ELMO1: variants seen among roughly 807,000 people sequenced by gnomAD.
ELMO1 encodes the protein engulfment and cell motility protein 1.
A neutral mutation model predicts 98.9 loss-of-function variants in ELMO1; 26 were observed. The ratio of observed to expected loss-of-function variants is 0.26; its 90% CI spans 0.19 to 0.36. ELMO1 has a LOEUF of 0.36. ELMO1 is among the 10% of genes least tolerant of loss of function. The pLI is 1.00. For synonymous variants in ELMO1, 346 were observed against 346.0 expected (o/e 1.00, Z 0.00); for missense variants, 627 against 935.2 (o/e 0.67, Z 4.30).
At chr7:37,416,968 A>G (rs1259708555) in intron 1 of ELMO1, among the ~76,000 whole-genome samples, 1 of 152,240 alleles carries the variant, frequency 6.6e-6, no homozygotes, top group Non-Finnish European at 1.5e-5. Context: ...AACCTAGCTT[A>G]TGAAATCAAA....
chr7:37,175,014 A>G (rs562573882), intron 13 of ELMO1, among the ~76,000 whole-genome samples: 2 of 152,314 alleles, frequency 1.3e-5, no homozygotes, highest in South Asian at 4.1e-4. Flanking sequence ...TAAAAAATCA[A>G]TGGCGAAGTG....
At chr7:37,029,300 T>G (rs529063755) in intron 15 of ELMO1, among the ~76,000 whole-genome samples, 1 of 152,226 alleles carries the variant, frequency 6.6e-6, no homozygotes, top group South Asian at 2.1e-4. Flanking sequence ...ATCACATACA[T>G]ATCAAAGATT....
intron 13 of ELMO1, among the ~76,000 whole-genome samples, chr7:37,185,429 G>A (rs191938409): frequency 6.6e-6 from 1 of 152,272 alleles, no homozygotes; most frequent in Admixed American, 6.5e-5. Context: ...AATAATAAAT[G>A]AGTATTTATG....
chr7:36,969,081 T>G (rs895067476), intron 16 of ELMO1, among the ~76,000 whole-genome samples: 1 of 152,108 alleles, frequency 6.6e-6, no homozygotes, highest in Non-Finnish European at 1.5e-5. Flanking sequence ...AAAAGTTGCA[T>G]GGATACTGAA....
intron 16 of ELMO1, among the ~76,000 whole-genome samples, chr7:36,908,515 T>G (rs910566338): frequency 2.0e-5 from 3 of 152,126 alleles, no homozygotes; most frequent in East Asian, 3.9e-4. Context: ...TAGAGTTTTG[T>G]TATATAGCAA....
intron 13 of ELMO1, among the ~76,000 whole-genome samples, chr7:37,152,926 G>C (rs1422261035): frequency 6.6e-6 from 1 of 152,184 alleles, no homozygotes; most frequent in African/African-American, 2.4e-5. Flanking sequence ...ACAAATGGTA[G>C]TTATCTCTGC....
chr7:37,000,537 C>T (rs990228904), intron 16 of ELMO1, among the ~76,000 whole-genome samples: 6 of 152,136 alleles, frequency 3.9e-5, no homozygotes, highest in Non-Finnish European at 7.4e-5. Flanking sequence ...TGCATTTTTT[C>T]CCCCCAATTT....
At chr7:36,861,512 G>T in intron 21 of ELMO1, 147 bp downstream of exon 21, 2 of 821,882 alleles carry the variant, frequency 2.4e-6, no homozygotes, top group Non-Finnish European at 3.8e-6. Flanking sequence ...TTGTCAAGAG[G>T]TTTCTATTCT....
At chr7:37,229,722 A>C (rs2130599785) in intron 8 of ELMO1, among the ~76,000 whole-genome samples, 1 of 152,382 alleles carries the variant, frequency 6.6e-6, no homozygotes, top group Admixed American at 6.5e-5. Flanking sequence ...CAGAAAAGTA[A>C]GTAATTTTCT....
intron 7 of ELMO1, among the ~76,000 whole-genome samples, chr7:37,234,182 T>C (rs761994479): frequency 5.3e-5 from 8 of 152,222 alleles, no homozygotes; most frequent in African/African-American, 1.9e-4. Context: ...CACTGTATTA[T>C]GTAACAGCAC....
In ELMO1 at chr7:37,133,175, G is replaced by A. The variant is rs1787042963; in HGVS notation, c.1146C>T (p.Asp382=). The change falls in exon 14 of 22, where the codon GAC becomes GAT. Residue 382 remains aspartate, a synonymous_variant. Transcript: ENST00000310758. ...TQTPPGMLAL[D]NMLYFAKHHQ... ...GGTGCTTGGCAAAGTACAGCATGTT[G>A]TCCAGAGCCAACATCCCAGGTGGAG... 6.2e-7 allele frequency: 1 copy of A among 1,613,144 alleles called. No individual in the cohort carries two copies. The highest frequency in any genetic ancestry group is 1.1e-5 in the South Asian group (1 of 90,842).
chr7:36,874,852 G>T (rs1043747136), intron 19 of ELMO1, among the ~76,000 whole-genome samples: 2 of 152,114 alleles, frequency 1.3e-5, no homozygotes, highest in Non-Finnish European at 2.9e-5. Flanking sequence ...AGAAGATGTC[G>T]ATTTTCAAAG....
Position 37,148,465 on chromosome 7 carries a change from C to A in ELMO1, c.1087-15231G>T, listed in dbSNP as rs895604789. Among the ~76,000 whole-genome samples the A allele has an allele frequency of 3.3e-5, 5 of 152,218 alleles. No individual in the cohort carries two copies. In the South Asian group the frequency reaches 1.0e-3, roughly 32 times the overall value. On this transcript the variant is annotated intron_variant, in intron 13 of 21. Coordinates refer to ENST00000310758, the MANE Select transcript of ELMO1 (RefSeq NM_014800.11). ...TCATGAAAATCTGAATTGACTCTCG[C>A]CACTTCATTATTTTGAAGAAGCAGA...
intron 13 of ELMO1, among the ~76,000 whole-genome samples, chr7:37,170,847 T>C (rs894900629): frequency 6.6e-6 from 1 of 152,184 alleles, no homozygotes; most frequent in Admixed American, 6.5e-5. Flanking sequence ...CCTCAAGTGA[T>C]CTACCCACCT....
At chr7:36,962,916 G>A (rs749648324) in intron 16 of ELMO1, among the ~76,000 whole-genome samples, 8 of 152,050 alleles carry the variant, frequency 5.3e-5, no homozygotes, top group African/African-American at 9.7e-5. Context: ...AAAGTATTAC[G>A]GAAAATTGGA....
rs193105304 is a variant in ELMO1, at chr7:37,355,753, C to T, written c.-73-12990G>A. Among the ~76,000 whole-genome samples, 184 of 152,372 alleles carry T rather than the reference C, an allele frequency of 1.2e-3. 2 individuals carry two copies. Among genetic ancestry groups the T allele is most frequent in the East Asian group, 4.4e-3 (23 of 5,188 alleles). ...CCTCCAGGAAAGTTCTCTGAGAACA[C>T]AAAGGTGACCAGGACTCAACTTGTT... On this transcript the variant is annotated intron_variant, in intron 1 of 21. Transcript: ENST00000310758.
chr7:37,346,453 T>A (rs893361221), intron 1 of ELMO1, among the ~76,000 whole-genome samples: 1 of 152,210 alleles, frequency 6.6e-6, no homozygotes, highest in Admixed American at 6.5e-5. Context: ...TATCCAACAA[T>A]AGGGACTTGT....
intron 16 of ELMO1, among the ~76,000 whole-genome samples, chr7:36,974,334 G>C (rs1166702171): frequency 1.6e-4 from 24 of 152,202 alleles, no homozygotes. Context: ...GCTGTGGTGG[G>C]GATGTGGAGA....
At chr7:36,867,148 T>TAG (rs1484322330) in intron 20 of ELMO1, among the ~76,000 whole-genome samples, 1 of 152,156 alleles carries the variant, frequency 6.6e-6, no homozygotes, top group Non-Finnish European at 1.5e-5. Flanking sequence ...TTTGCAGTCT[T>TAG]ATCTGTTTAC....
Sources: allele counts gnomAD v4.1 joint callset (sites outside exome capture counted in the v4.1 genomes callset), GRCh38; gene constraint gnomAD v4.1.1; transcripts MANE v1.5; gene names NCBI Gene and HGNC (gene_info 2026-07-23, HGNC 2026-07-21).